The following SLCO3A1 variants were observed in gnomAD, a reference collection of about 807,000 sequenced individuals.
The protein encoded by SLCO3A1 is solute carrier organic anion transporter family member 3A1.
SLCO3A1 carries 27 observed loss-of-function variants against 63.1 expected under a neutral mutation model. The ratio of observed to expected loss-of-function variants is 0.43; its 90% CI spans 0.32 to 0.59. The LOEUF is 0.59. Among genes scored for constraint, SLCO3A1 ranks in the 20% least tolerant of loss-of-function variants. The pLI is 0.09. For missense variants in SLCO3A1, 773 were observed against 945.8 expected (o/e 0.82, Z 2.40); for synonymous variants, 473 against 409.9 (o/e 1.15, Z -1.86).
rs1200428339 is a variant in SLCO3A1 at position 91,856,867 on chromosome 15, A to G, written c.180+2779A>G. 6.6e-6 allele frequency among the ~76,000 whole-genome samples: 1 copy of G among 151,986 alleles called. No homozygotes were observed. The highest frequency in any genetic ancestry group is 1.5e-5 in the Non-Finnish European group (1 of 68,000). On this transcript the variant is annotated intron_variant, in intron 1 of 9. Coordinates refer to ENST00000318445, the MANE Select transcript of SLCO3A1 (RefSeq NM_013272.4). This position sits in a 1 kb window ranked among gnomAD's most constrained non-coding sequence, Gnocchi z 4.9. ...TTCCCAGAGTCCACCTTCTTATTTC[A>G]TCTCCCCAGGTGCCTTAAAATATTG...
rs558232204 is a variant in SLCO3A1 at position 91,929,459 on chromosome 15, A to G, written c.646+13001A>G. ...GGGACCACGTGTTCCATGTTGGAGC[A>G]TTGGTGCAAAGTTGGGAGACTCAGC... On this transcript the variant is annotated intron_variant, in intron 2 of 9. Transcript: ENST00000318445. Among the ~76,000 whole-genome samples, 8 of 152,328 alleles carry G rather than the reference A, an allele frequency of 5.3e-5. No individual in the cohort carries two copies. In the South Asian group the frequency reaches 1.7e-3, roughly 32 times the overall value.
intron 5 of SLCO3A1, among the ~76,000 whole-genome samples, chr15:92,123,804 T>G (rs1367371173): frequency 6.6e-6 from 1 of 152,218 alleles, no homozygotes. Context: ...GTGCTCTGTT[T>G]CAGAACAGAT....
rs1898036864 is a variant in SLCO3A1 at position 91,897,498 on chromosome 15, C to T, written c.181-18495C>T. On this transcript the variant is annotated intron_variant, in intron 1 of 9. Coordinates refer to ENST00000318445, the MANE Select transcript of SLCO3A1 (RefSeq NM_013272.4). This position sits in a 1 kb window ranked among gnomAD's most constrained non-coding sequence, Gnocchi z 4.7. Reference sequence around the variant, plus strand: ...CCCAAAACTTATAAAGCTGGATGTTCCAACTAATGTCCTATCCTGGTTTTT... The same window carrying T: ...CCCAAAACTTATAAAGCTGGATGTTTCAACTAATGTCCTATCCTGGTTTTT... Among the ~76,000 whole-genome samples, 1 of 152,150 alleles carries T rather than the reference C, an allele frequency of 6.6e-6. No homozygotes were observed. The highest frequency in any genetic ancestry group is 6.5e-5 in the Admixed American group (1 of 15,284).
chr15:91,917,024 T>G (rs1898685510), intron 2 of SLCO3A1, among the ~76,000 whole-genome samples: 1 of 152,188 alleles, frequency 6.6e-6, no homozygotes, highest in Non-Finnish European at 1.5e-5. Flanking sequence ...TTTTTCACGG[T>G]CAGAGTTTCT....
At position 92,108,049 on chromosome 15, in the gene SLCO3A1, G is replaced by A. The variant is rs1478739939; in HGVS notation, c.1009+3507G>A. 4.6e-5 allele frequency among the ~76,000 whole-genome samples: 7 copies of A among 152,298 alleles called. No individual in the cohort carries two copies. In the East Asian group the frequency reaches 5.8e-4, roughly 13 times the overall value. On this transcript the variant is annotated intron_variant, in intron 4 of 9. Coordinates refer to ENST00000318445, the MANE Select transcript of SLCO3A1 (RefSeq NM_013272.4). ...TTCAGAACATTCCCCTAAAAAAAGC[G>A]GGCTGCAGAGGTCTGCTTCCAACAG...
At chr15:92,035,212 T>C (rs541053579) in intron 2 of SLCO3A1, among the ~76,000 whole-genome samples, 2 of 151,954 alleles carry the variant, frequency 1.3e-5, no homozygotes, top group South Asian at 4.2e-4. Flanking sequence ...TGGAGACCCT[T>C]AGATGAATTT....
At chr15:92,121,045 CCTCCCT>C (rs2047857099) in intron 5 of SLCO3A1, among the ~76,000 whole-genome samples, 10 of 148,808 alleles carry the variant, frequency 6.7e-5, no homozygotes, top group Non-Finnish European at 1.1e-4. Flanking sequence ...ACTCCCTACT[CCTCCCT>C]GTGCCCACAA....
chr15:91,874,230 C>CTGT (rs1897344899), intron 1 of SLCO3A1, among the ~76,000 whole-genome samples: 1 of 152,196 alleles, frequency 6.6e-6, no homozygotes, highest in South Asian at 2.1e-4. Flanking sequence ...ATACATCTTA[C>CTGT]TGTTGCTCAC....
intron 2 of SLCO3A1, among the ~76,000 whole-genome samples, chr15:92,047,684 C>T (rs2046906482): frequency 7.8e-6 from 1 of 128,188 alleles, no homozygotes; most frequent in East Asian, 2.2e-4. Flanking sequence ...TGTTTTTGGC[C>T]CCACTGTTTA....
At chr15:92,060,435 C>T (rs2047072996) in intron 2 of SLCO3A1, among the ~76,000 whole-genome samples, 2 of 151,884 alleles carry the variant, frequency 1.3e-5, no homozygotes, top group Non-Finnish European at 2.9e-5. Flanking sequence ...TGATGCACGC[C>T]TGTAATCCCA....
chr15:91,931,794 C>CACACAT (rs747604435), intron 2 of SLCO3A1, among the ~76,000 whole-genome samples: 122 of 150,460 alleles, frequency 8.1e-4, no homozygotes, highest in Non-Finnish European at 1.4e-3. Flanking sequence ...TGGAAACACA[C>CACACAT]ACACACGCAC....
At chr15:92,133,068 G>A (rs1050982077) in intron 7 of SLCO3A1, among the ~76,000 whole-genome samples, 1 of 145,872 alleles carries the variant, frequency 6.9e-6, no homozygotes, top group Admixed American at 6.8e-5. Context: ...CCAGATAATG[G>A]ATTGTCATGA....
intron 1 of SLCO3A1, among the ~76,000 whole-genome samples, chr15:91,880,395 C>CTGTGTGTGTGTGTG (rs71156619): frequency 5.3e-4 from 48 of 89,986 alleles, no homozygotes; most frequent in East Asian, 1.6e-3. Context: ...CTCTCTCTCT[C>CTGTGTGTGTGTGTG]TCTCTCTCTC....
chr15:92,157,869 G>A (rs1272940592), intron 9 of SLCO3A1, among the ~76,000 whole-genome samples: 2 of 152,090 alleles, frequency 1.3e-5, no homozygotes, highest in East Asian at 1.9e-4. Context: ...AGGTATGATC[G>A]TGCCCATTGT....
intron 2 of SLCO3A1, among the ~76,000 whole-genome samples, chr15:92,057,566 A>G (rs1214327704): frequency 1.3e-5 from 2 of 152,238 alleles, no homozygotes; most frequent in African/African-American, 2.4e-5. Context: ...CTGTGAGGAC[A>G]CAGTCCCAGA....
Position 91,863,013 on chromosome 15 carries a change from C to T in SLCO3A1, c.180+8925C>T, listed in dbSNP as rs995752441. On this transcript the variant is annotated intron_variant, in intron 1 of 9. Transcript: ENST00000318445. The surrounding 1 kb of genome is among the most constrained non-coding windows in gnomAD (Gnocchi z 4.3). ...TATAAGCAGGTTGAAATTGGGAGAG[C>T]TGCCCTCAGCTGATTATATAAGCTA... Among the ~76,000 whole-genome samples the T allele has an allele frequency of 3.9e-5, 6 of 152,188 alleles. No homozygotes were observed. Among genetic ancestry groups the T allele is most frequent in the Non-Finnish European group, 7.3e-5 (5 of 68,036 alleles).
chr15:92,150,373 A>G (rs2048288951), intron 8 of SLCO3A1, among the ~76,000 whole-genome samples: 2 of 152,200 alleles, frequency 1.3e-5, no homozygotes, highest in Non-Finnish European at 2.9e-5. Flanking sequence ...CACACCCAGG[A>G]TCAATACTTT....
chr15:92,147,982 C>G (rs970743173), intron 8 of SLCO3A1, among the ~76,000 whole-genome samples: 2 of 152,026 alleles, frequency 1.3e-5, no homozygotes, highest in Non-Finnish European at 2.9e-5. Context: ...TTTGGGAGGC[C>G]AAGGCTGGAG....
intron 9 of SLCO3A1, chr15:92,161,748 TTCCTCTG>T (rs1270872702): frequency 4.0e-5 from 6 of 150,684 alleles, no homozygotes; most frequent in African/African-American, 1.5e-4. Flanking sequence ...GCTTTGCAGT[TTCCTCTG>T]TAGAACACCA....
Sources: gnomAD v4.1 joint callset for allele counts (sites outside exome capture counted in the v4.1 genomes callset) on GRCh38, gnomAD v4.1.1 for gene constraint, Gnocchi (gnomAD v3.1) non-coding constraint, MANE v1.5 for transcripts, NCBI Gene and HGNC (gene_info 2026-07-23, HGNC 2026-07-21) for gene names.